RNF13: variants seen among roughly 807,000 people sequenced by gnomAD.
RNF13 encodes the protein ring finger protein 13, also known as E3 ubiquitin-protein ligase RNF13.
A neutral mutation model predicts 37.7 loss-of-function variants in RNF13; 19 were observed. The observed-to-expected ratio is 0.50, with a 90% CI of 0.35 to 0.74. The LOEUF (loss-of-function observed/expected upper bound fraction) is 0.74, where lower values mean the gene tolerates loss of function less well. RNF13 is among the 30% of genes least tolerant of loss of function. RNF13 has a pLI of 0.01. For synonymous variants in RNF13, 144 were observed against 157.8 expected (o/e 0.91, Z 0.65); for missense variants, 375 against 453.0 (o/e 0.83, Z 1.56).
At chr3:149,959,315 CA>C (rs1722161124) in intron 8 of RNF13, among the ~76,000 whole-genome samples, 1 of 147,452 alleles carries the variant, frequency 6.8e-6, no homozygotes, top group Admixed American at 6.6e-5. Flanking sequence ...TCTCCAAAAA[CA>C]AACAAACAAA....
chr3:149,899,769 T>C (rs1715631892), intron 5 of RNF13, among the ~76,000 whole-genome samples: 1 of 152,166 alleles, frequency 6.6e-6, no homozygotes, highest in Non-Finnish European at 1.5e-5. Flanking sequence ...TCCAAGATGT[T>C]TAGTCTGAGA....
At chr3:149,939,367 C>T (rs577044105) in intron 8 of RNF13, 15 of 483,166 alleles carry the variant, frequency 3.1e-5, no homozygotes, top group Admixed American at 2.5e-4. Context: ...CTGCCACCTC[C>T]GGGGGCAGAT....
At chr3:149,854,932 A>G (rs1458277953) in intron 3 of RNF13, among the ~76,000 whole-genome samples, 2 of 152,058 alleles carry the variant, frequency 1.3e-5, no homozygotes, top group Non-Finnish European at 2.9e-5. Context: ...TGTTGTTGTT[A>G]TTTTTGTTGT....
intron 3 of RNF13, among the ~76,000 whole-genome samples, chr3:149,868,575 C>A (rs1711602946): frequency 6.6e-6 from 1 of 151,192 alleles, no homozygotes. Flanking sequence ...CACTCCTCTC[C>A]TCCCCTCCCC....
chr3:149,876,882 A>G (rs190816588), intron 4 of RNF13, among the ~76,000 whole-genome samples: 95 of 148,182 alleles, frequency 6.4e-4, no homozygotes, highest in African/African-American at 2.2e-3. Context: ...GGGTTCAAGC[A>G]ATTCTCTTGC....
chr3:149,818,578 A>G (rs890378465), intron 1 of RNF13, among the ~76,000 whole-genome samples: 1 of 152,206 alleles, frequency 6.6e-6, no homozygotes, highest in Non-Finnish European at 1.5e-5. Context: ...TAAATGTGGC[A>G]TGTATTAAGG....
At chr3:149,928,825 A>G (rs552334807) in intron 8 of RNF13, among the ~76,000 whole-genome samples, 1 of 152,258 alleles carries the variant, frequency 6.6e-6, no homozygotes, top group South Asian at 2.1e-4. Context: ...ATGCTTTTCC[A>G]TTTATTGAGG....
intron 8 of RNF13, chr3:149,939,684 A>AT: frequency 1.3e-6 from 1 of 789,690 alleles, no homozygotes; most frequent in Non-Finnish European, 2.1e-6. Context: ...ACTGGTGCTC[A>AT]TTTTCATCAT....
At chr3:149,875,976 A>T (rs1270002099) in intron 4 of RNF13, among the ~76,000 whole-genome samples, 11 of 11,152 alleles carry the variant, frequency 9.9e-4, no homozygotes, top group African/African-American at 2.1e-3. Context: ...ATACGACTTT[A>T]AAAAAAATCT....
At chr3:149,895,302 G>T in intron 4 of RNF13, 171 bp from the exon 5 acceptor site, 1 of 470,272 alleles carries the variant, frequency 2.1e-6, no homozygotes, top group South Asian at 4.0e-5. Flanking sequence ...CCTGATTACA[G>T]CAAGTTTCTA....
chr3:149,864,286 T>C (rs1724573209), intron 3 of RNF13, among the ~76,000 whole-genome samples: 1 of 152,070 alleles, frequency 6.6e-6, no homozygotes, highest in South Asian at 2.1e-4. Flanking sequence ...TCTTTCATCA[T>C]GTGATCTCTT....
At chr3:149,882,622 T>G (rs1196578766) in intron 4 of RNF13, among the ~76,000 whole-genome samples, 2 of 152,214 alleles carry the variant, frequency 1.3e-5, no homozygotes, top group Non-Finnish European at 2.9e-5. Flanking sequence ...AAAGTAATAC[T>G]CTGAAACATG....
intron 8 of RNF13, among the ~76,000 whole-genome samples, chr3:149,949,729 T>G (rs1395974463): frequency 7.1e-6 from 1 of 141,826 alleles, no homozygotes; most frequent in East Asian, 2.0e-4. Flanking sequence ...TCCTTCATTC[T>G]TTTTTTTTTT....
chr3:149,884,124 C>T (rs895246454), intron 4 of RNF13, among the ~76,000 whole-genome samples: 16 of 152,126 alleles, frequency 1.1e-4, no homozygotes, highest in South Asian at 2.1e-4. Context: ...GGGTCAATTC[C>T]GTATCTTTGT....
intron 4 of RNF13, among the ~76,000 whole-genome samples, chr3:149,872,927 G>A (rs1297256753): frequency 4.6e-5 from 7 of 152,148 alleles, no homozygotes; most frequent in Non-Finnish European, 1.0e-4. Flanking sequence ...ATAATATAAA[G>A]GGATTTGAAA....
intron 1 of RNF13, among the ~76,000 whole-genome samples, chr3:149,842,710 A>G (rs912389343): frequency 2.0e-5 from 3 of 152,250 alleles, no homozygotes; most frequent in African/African-American, 4.8e-5. Context: ...ATTTCTGTTC[A>G]GCCCATTAAA....
intron 8 of RNF13, among the ~76,000 whole-genome samples, chr3:149,931,756 A>G (rs548327980): frequency 1.1e-4 from 17 of 152,320 alleles, no homozygotes; most frequent in African/African-American, 3.8e-4. Context: ...ATTGTTAACT[A>G]TAGTTGCCTT....
Position 149,921,147 on chromosome 3 carries a change from TC to T in RNF13, c.622del (p.Gln208ArgfsTer60). The T allele has an allele frequency of 7.3e-7, 1 of 1,373,898 alleles. No homozygotes were observed. The highest frequency in any genetic ancestry group is 9.6e-7 in the Non-Finnish European group (1 of 1,042,298). The allele number at this position is 1,373,898 out of a possible 1,614,324, so 85.1% of individuals were successfully genotyped here. A position where few individuals can be genotyped will look rare whatever the true frequency, so the allele number is the denominator to read the frequency against. On this transcript the variant is annotated frameshift_variant, in exon 8 of 10. Transcript: ENST00000392894. LOFTEE classifies it high-confidence loss of function. ...TTTTATTTTTAGATCACAAAATTTG[TC>T]CAGGATAGACATAGAGCTAGAAGAA... ...LIVIFMITKF[V>X]QDRHRARRNR...
intron 1 of RNF13, among the ~76,000 whole-genome samples, chr3:149,817,910 GA>G (rs147952272): frequency 0.077 from 11,719 of 152,170 alleles, 493 homozygotes; most frequent in Middle Eastern, 0.092. Context: ...CTTTGTACTT[GA>G]AAAAGGGCTC....
Sources: gnomAD v4.1 joint callset for allele counts (sites outside exome capture counted in the v4.1 genomes callset) on GRCh38, gnomAD v4.1.1 for gene constraint, MANE v1.5 for transcripts, NCBI Gene and HGNC (gene_info 2026-07-23, HGNC 2026-07-21) for gene names.